Variants in YTHDF1 observed in about 807,000 individuals in gnomAD.
YTHDF1 encodes YTH domain-containing family protein 1.
A neutral mutation model predicts 49.1 loss-of-function variants in YTHDF1; 16 were observed. The observed-to-expected ratio is 0.33, with a 90% CI of 0.22 to 0.49. The LOEUF (loss-of-function observed/expected upper bound fraction) is 0.49. Among genes scored for constraint, YTHDF1 ranks in the 20% least tolerant of loss-of-function variants. YTHDF1 has a pLI of 0.99. For synonymous variants in YTHDF1, 313 were observed against 290.1 expected (o/e 1.08, Z -0.80); for missense variants, 621 against 744.3 (o/e 0.83, Z 1.93).
chr20:63,214,378 G>A, intron 2 of YTHDF1, among the ~76,000 whole-genome samples: 1 of 152,218 alleles, frequency 6.6e-6, no homozygotes, highest in Non-Finnish European at 1.5e-5. Flanking sequence ...GGACTGTTGG[G>A]AGCTATTATC....
At chr20:63,198,278 C>CAA (rs766455995) in intron 4 of YTHDF1, among the ~76,000 whole-genome samples, 7 of 121,834 alleles carry the variant, frequency 5.7e-5, no homozygotes, top group Non-Finnish European at 8.9e-5. Context: ...ACTAAAAATA[C>CAA]AAAAAAAAAA....
chr20:63,215,821 C>A, intron 1 of YTHDF1, 45 bp downstream of exon 1: 1 of 1,452,544 alleles, frequency 6.9e-7, no homozygotes, highest in South Asian at 1.3e-5. Context: ...ACCCAGACCC[C>A]GCGCCTCGGC....
At chr20:63,199,781 G>A (rs535507441) in intron 4 of YTHDF1, among the ~76,000 whole-genome samples, 25 of 152,280 alleles carry the variant, frequency 1.6e-4, no homozygotes, top group Non-Finnish European at 3.4e-4. Context: ...ATTTGACGCC[G>A]GGCACAGTGG....
In YTHDF1 at chr20:63,203,114, T is replaced by C. The variant is rs1160178269; in HGVS notation, c.826A>G (p.Asn276Asp). 6.2e-7 allele frequency: 1 copy of C among 1,611,976 alleles called. No individual in the cohort carries two copies. Among genetic ancestry groups the C allele is most frequent in the East Asian group, 2.2e-5 (1 of 44,876 alleles). ...GGGGCCTTCGGCACAGGCCCCTTGT[T>C]ATCCCAGGTGCCAATGTCCATGTTA... The part of the protein sequence containing the change: ...KHNMDIGTWD[N>D]KGPVPKAPVP... Residue 276 changes from asparagine to aspartate, a missense_variant, in exon 4 of 5, where the codon AAC (asparagine) becomes GAC (aspartate). Physicochemically the swap from Asn to Asp is conservative, Grantham distance 23. Around this residue, in one of 2 missense-constraint regions of YTHDF1, gnomAD observed 470 missense variants for 495.8 expected, o/e 0.95. Transcript: ENST00000370339. This position sits in a 1 kb window ranked among gnomAD's most constrained non-coding sequence, Gnocchi z 4.4.
chr20:63,198,429 A>G (rs1179447596), intron 4 of YTHDF1, among the ~76,000 whole-genome samples: 1 of 152,130 alleles, frequency 6.6e-6, no homozygotes, highest in African/African-American at 2.4e-5. Flanking sequence ...TGGGGGAGAC[A>G]GCGAAACTCT....
intron 3 of YTHDF1, among the ~76,000 whole-genome samples, chr20:63,205,569 C>G (rs910305672): frequency 1.1e-4 from 17 of 151,120 alleles, no homozygotes; most frequent in African/African-American, 3.9e-4. Flanking sequence ...AGTGCAGTGG[C>G]ACGATCTCAG....
chr20:63,210,788 C>G (rs2066570293), intron 3 of YTHDF1, among the ~76,000 whole-genome samples: 1 of 151,838 alleles, frequency 6.6e-6, no homozygotes, highest in Admixed American at 6.6e-5. Flanking sequence ...AACTCCATCT[C>G]AAAAAACAAA....
intron 2 of YTHDF1, among the ~76,000 whole-genome samples, chr20:63,214,930 T>C (rs927648964): frequency 9.9e-5 from 15 of 152,216 alleles, no homozygotes; most frequent in Non-Finnish European, 2.9e-5. Context: ...GTTTTCCTTT[T>C]ACACCACTTA....
Position 63,203,312 on chromosome 20 carries a change from CGCT to C in YTHDF1, c.625_627del (p.Ser209del), listed in dbSNP as rs2066528323. ...CCAGAAAGGACACCAGTCAGTGCCA[CGCT>C]GCTGACGACAGAGCCCACCGTCTTG... On this transcript the variant is annotated inframe_deletion, in exon 4 of 5. Coordinates refer to ENST00000370339, the MANE Select transcript of YTHDF1 (RefSeq NM_017798.4). The surrounding 1 kb of genome is among the most constrained non-coding windows in gnomAD (Gnocchi z 4.4). The C allele has an allele frequency of 6.2e-7, 1 of 1,613,520 alleles. No individual in the cohort carries two copies. The highest frequency in any genetic ancestry group is 8.5e-7 in the Non-Finnish European group (1 of 1,180,042).
intron 3 of YTHDF1, among the ~76,000 whole-genome samples, chr20:63,206,072 G>A (rs2066544541): frequency 6.6e-6 from 1 of 152,248 alleles, no homozygotes; most frequent in Non-Finnish European, 1.5e-5. Flanking sequence ...TGCTCCTCGA[G>A]TCACTGGCCG....
rs368644301 is a variant in YTHDF1 at position 63,214,002 on chromosome 20, G to A, written c.53-59C>T. ...ATTTTAAAAGATTACTTTTAAGCTT[G>A]GAAGGCAAAGTTAGCAAAGTCTATT... On this transcript the variant is annotated intron_variant, in intron 2 of 4. Coordinates refer to ENST00000370339, the MANE Select transcript of YTHDF1 (RefSeq NM_017798.4). 1,276 of 1,542,122 alleles carry A rather than the reference G, an allele frequency of 8.3e-4. 29 individuals carry two copies. The South Asian group carries it at 0.014, about 17-fold the overall frequency.
chr20:63,205,510 C>CG (rs1341531308), intron 3 of YTHDF1, among the ~76,000 whole-genome samples: 72 of 137,654 alleles, frequency 5.2e-4, no homozygotes, highest in African/African-American at 1.9e-3. Flanking sequence ...ATTCCAGAAC[C>CG]CCCCCCTTTT....
chr20:63,202,217 G>A lies in YTHDF1; in HGVS notation c.1653+70C>T, dbSNP rs185987140. On this transcript the variant is annotated intron_variant, in intron 4 of 4. Coordinates refer to ENST00000370339, the MANE Select transcript of YTHDF1 (RefSeq NM_017798.4). ...GGACCTGCCGCATCTGCTCACCACC[G>A]GGCCACCTGGTCTAAGTACGGCACC... 1.2e-4 allele frequency: 178 copies of A among 1,534,348 alleles called. No individual in the cohort carries two copies. In the African/African-American group the frequency reaches 2.0e-3, roughly 17 times the overall value.
intron 3 of YTHDF1, among the ~76,000 whole-genome samples, chr20:63,211,102 G>T (rs946130996): frequency 9.3e-6 from 1 of 107,726 alleles, no homozygotes; most frequent in South Asian, 3.6e-4. Context: ...AAGTATGACA[G>T]TTTCACACAA....
At chr20:63,209,060 C>G (rs1319675350) in intron 3 of YTHDF1, among the ~76,000 whole-genome samples, 2 of 152,198 alleles carry the variant, frequency 1.3e-5, no homozygotes, top group Non-Finnish European at 2.9e-5. Flanking sequence ...ATCTGTGTGT[C>G]TAAACATTAT....
chr20:63,201,432 G>GGAAGCAT lies in YTHDF1; in HGVS notation c.1653+848_1653+854dup, dbSNP rs149753783. Among the ~76,000 whole-genome samples, 215 of 152,306 alleles carry GGAAGCAT rather than the reference G, an allele frequency of 1.4e-3. 1 individual carries two copies. In the East Asian group the frequency reaches 0.024, roughly 17 times the overall value. ...CTCAGGATGAACTCTCTCGAATAAA[G>GGAAGCAT]GAAGCATTATGAAGTATGTCAGCAT... On this transcript the variant is annotated intron_variant, in intron 4 of 4. Coordinates refer to ENST00000370339, the MANE Select transcript of YTHDF1 (RefSeq NM_017798.4).
At chr20:63,205,930 G>C (rs2066543672) in intron 3 of YTHDF1, among the ~76,000 whole-genome samples, 1 of 152,146 alleles carries the variant, frequency 6.6e-6, no homozygotes, top group South Asian at 2.1e-4. Flanking sequence ...ATTAATCTGA[G>C]CTTATTCTCC....
At chr20:63,214,117 G>T (rs1393164123) in intron 2 of YTHDF1, 174 bp from the exon 3 acceptor site, 2 of 973,118 alleles carry the variant, frequency 2.1e-6, no homozygotes, top group African/African-American at 1.8e-5. Context: ...TTAGAAGGGG[G>T]ACGGGAAACT....
At chr20:63,206,155 G>A (rs2066545047) in intron 3 of YTHDF1, among the ~76,000 whole-genome samples, 1 of 152,184 alleles carries the variant, frequency 6.6e-6, no homozygotes, top group South Asian at 2.1e-4. Flanking sequence ...CCTCCCATTA[G>A]CTGGACACGT....
Sources: allele counts gnomAD v4.1 joint callset (sites outside exome capture counted in the v4.1 genomes callset), GRCh38; gene constraint gnomAD v4.1.1; regional missense constraint gnomAD v4.1.1; non-coding constraint Gnocchi (gnomAD v3.1); transcripts MANE v1.5; gene names NCBI Gene and HGNC (gene_info 2026-07-23, HGNC 2026-07-21).